Variants in HUWE1 observed in about 807,000 individuals in gnomAD.
HUWE1 encodes the protein HECT, UBA and WWE domain containing E3 ubiquitin protein ligase 1.
Under a neutral mutation model 299.4 loss-of-function variants are expected in HUWE1, and 18 were observed. The ratio of observed to expected loss-of-function variants is 0.06; its 90% CI spans 0.04 to 0.09. The LOEUF (loss-of-function observed/expected upper bound fraction) is 0.09. Ranked by LOEUF, HUWE1 falls within the 10% of genes least tolerant of loss-of-function variation. The probability of loss-of-function intolerance (pLI) is 1.00; values close to 1 mark genes in which losing one functional copy is unlikely to be tolerated. For synonymous variants in HUWE1, 1,317 were observed against 1,286.1 expected, an observed-to-expected ratio of 1.02 and a Z score of -0.51; for missense variants, 1,832 against 3,462.3, an observed-to-expected ratio of 0.53 and a Z score of 11.82.
intron 7 of HUWE1, 135 bp from the exon 8 acceptor site, chrX:53,634,433 G>C: frequency 2.0e-6 from 1 of 509,749 alleles, no homozygotes; most frequent in Non-Finnish European, 3.6e-6. Flanking sequence ...ATATATTTAA[G>C]AGTGTGTGGC....
rs782359588 is a variant in HUWE1, at chrX:53,632,543, T to C, written c.589A>G (p.Thr197Ala). ...TCTGCATAGAATTCAAAGTGTAGTG[T>C]AGTTGCACTGGGTGGATATTTCTGT... ...HMMKYPPSAT[T>A]LHFEFYADPG... The change falls in exon 9 of 84, where the codon ACA (threonine) becomes GCA (alanine). Residue 197 changes from threonine to alanine, a missense_variant. Coordinates refer to ENST00000262854, the MANE Select transcript of HUWE1 (RefSeq NM_031407.7). 1 of 1,199,803 alleles carries C rather than the reference T, an allele frequency of 8.3e-7. No homozygotes were observed. Among genetic ancestry groups the C allele is most frequent in the South Asian group, 1.8e-5 (1 of 56,726 alleles).
At chrX:53,639,889 G>C (rs2067464902) in intron 7 of HUWE1, among the ~76,000 whole-genome samples, 1 of 112,149 alleles carries the variant, frequency 8.9e-6, no homozygotes, top group Non-Finnish European at 1.9e-5. Flanking sequence ...AAACTATGAG[G>C]TAGATATTGT....
At chrX:53,648,765 A>G (rs1486234442) in intron 4 of HUWE1, among the ~76,000 whole-genome samples, 1 of 111,731 alleles carries the variant, frequency 9.0e-6, no homozygotes, top group Admixed American at 9.5e-5. Context: ...ATTCACAATT[A>G]AAGGTGAAGA....
Position 53,583,906 on chromosome X carries a change from C to A in HUWE1, c.5172G>T (p.Leu1724Phe). ...RKENKGNDTP[L>F]ALESTNTEKE... ...TTTCAGTGTTTGTACTCTCTAGGGC[C>A]AAAGGGGTATCTATAAAATGGGAAA... is the stretch of plus-strand genomic sequence containing the variant. The change falls in exon 42 of 84, where the codon TTG becomes TTT. Residue 1724 changes from leucine to phenylalanine, a missense_variant. Coordinates refer to ENST00000262854, the MANE Select transcript of HUWE1 (RefSeq NM_031407.7). 1.2e-5 allele frequency: 14 copies of A among 1,187,297 alleles called. No individual in the cohort carries two copies. The highest frequency in any genetic ancestry group is 1.6e-5 in the Non-Finnish European group (14 of 873,828).
chrX:53,578,328 G>C (rs2063305035), intron 43 of HUWE1, among the ~76,000 whole-genome samples: 1 of 106,928 alleles, frequency 9.4e-6, no homozygotes, highest in African/African-American at 3.5e-5. Context: ...TCTCCGCCCG[G>C]CAGCCACCCC....
intron 80 of HUWE1, 51 bp from the exon 81 acceptor site, chrX:53,535,552 G>C (rs1000796020): frequency 1.1e-5 from 9 of 823,691 alleles, no homozygotes; most frequent in Non-Finnish European, 1.6e-5. Context: ...TCTAGGATGG[G>C]ATTAGATACC....
At chrX:53,632,690 C>T in intron 8 of HUWE1, 126 bp from the exon 9 acceptor site, 8 of 526,430 alleles carry the variant, frequency 1.5e-5, no homozygotes, top group Non-Finnish European at 3.4e-6. Context: ...ATAAGCAGTA[C>T]ATTCAGTACC....
At chrX:53,553,323 T>C in intron 61 of HUWE1, among the ~76,000 whole-genome samples, 1 of 108,663 alleles carries the variant, frequency 9.2e-6, no homozygotes, top group Middle Eastern at 4.7e-3. Flanking sequence ...TTTGTATTTT[T>C]AGTAGAGATG....
At chrX:53,589,370 T>G (rs1305909550) in intron 36 of HUWE1, among the ~76,000 whole-genome samples, 177 bp downstream of exon 36, 1 of 112,212 alleles carries the variant, frequency 8.9e-6, no homozygotes, top group Non-Finnish European at 1.9e-5. Flanking sequence ...AAGACATTTT[T>G]GTGTGTGCGA....
chrX:53,585,188 A>C lies in HUWE1; in HGVS notation c.4825T>G (p.Tyr1609Asp). 8.3e-7 allele frequency: 1 copy of C among 1,210,910 alleles called. No homozygotes were observed. The highest frequency in any genetic ancestry group is 1.1e-6 in the Non-Finnish European group (1 of 894,411). Reference protein sequence around the residue: ...SSKRRAQMTKYLQSNSNNWRW... With the variant: ...SSKRRAQMTKDLQSNSNNWRW... ...CAGTTGTTGCTGTTGGATTGCAGGT[A>C]CTAAACATAAAAGTACAAAGTTTCT... is the stretch of plus-strand genomic sequence containing the variant. Residue 1609 changes from tyrosine to aspartate, a missense_variant and splice_region_variant, in exon 40 of 84, where the codon TAC becomes GAC. Physicochemically the swap from Tyr to Asp is radical, Grantham distance 160. Coordinates refer to ENST00000262854, the MANE Select transcript of HUWE1 (RefSeq NM_031407.7).
rs879987418 is a variant in HUWE1, at chrX:53,538,722, A to ACT, written c.11878+112_11878+113insAG. On this transcript the variant is annotated intron_variant, in intron 76 of 83. Transcript: ENST00000262854. ...TACACACACACACACACACACACAC[A>ACT]CACTCTCTCTCTCTCTCTCTCTCTC... The ACT allele has an allele frequency of 0.012, 5,076 of 428,664 alleles. 45 individuals carry two copies. The highest frequency in any genetic ancestry group is 0.052 in the African/African-American group (1,778 of 34,033). The allele number at this position is 428,664 out of a possible 1,213,427, so 35.3% of individuals were successfully genotyped here. A position where few individuals can be genotyped will look rare whatever the true frequency, so the allele number is the denominator to read the frequency against.
At chrX:53,611,233 A>G (rs1443309386) in intron 23 of HUWE1, among the ~76,000 whole-genome samples, 2 of 109,528 alleles carry the variant, frequency 1.8e-5, no homozygotes, top group Admixed American at 9.7e-5. Context: ...CTAAGCCTGG[A>G]AAAAACTCAG....
rs1557034658 is a variant in HUWE1, at chrX:53,645,297, C to CA, written c.504+13dup. Reference sequence around the variant, plus strand: ...CAATTTTTGCACCCCTCCAACTCTTCACCCAAGACTCACCTCTGCCAAATG... The same window carrying CA: ...CAATTTTTGCACCCCTCCAACTCTTCAACCCAAGACTCACCTCTGCCAAATG... On this transcript the variant is annotated intron_variant, in intron 7 of 83. Coordinates refer to ENST00000262854, the MANE Select transcript of HUWE1 (RefSeq NM_031407.7). 1.7e-6 allele frequency: 2 copies of CA among 1,210,669 alleles called. No individual in the cohort carries two copies. Among genetic ancestry groups the CA allele is most frequent in the Admixed American group, 4.4e-5 (2 of 45,962 alleles).
chrX:53,584,207 G>C lies in HUWE1; in HGVS notation c.5140C>G (p.Arg1714Gly), dbSNP rs369627689. The part of the protein sequence containing the change: ...LEESKEMDIK[R>G]KENKGNDTPL... ...ATACCATTGCCTTTATTTTCTTTAC[G>C]TTTGATATCCATTTCTTTGCTTTCT... The change falls in exon 41 of 84, where the codon CGT (arginine) becomes GGT (glycine). Residue 1714 changes from arginine to glycine, a missense_variant. By Grantham distance (125) the Arg-to-Gly change is moderately radical. This residue lies in a region of HUWE1 where 46 missense variants were observed against 42.6 expected (regional missense o/e 1.08). Coordinates refer to ENST00000262854, the MANE Select transcript of HUWE1 (RefSeq NM_031407.7). 2.5e-6 allele frequency: 3 copies of C among 1,207,478 alleles called. No homozygotes were observed. The East Asian group carries it at 8.9e-5, about 36-fold the overall frequency.
intron 4 of HUWE1, among the ~76,000 whole-genome samples, chrX:53,650,977 C>T (rs1284697233): frequency 9.0e-6 from 1 of 111,456 alleles, no homozygotes; most frequent in Non-Finnish European, 1.9e-5. Flanking sequence ...TCCAATTACC[C>T]GCTAAGTTGA....
At chrX:53,624,522 TAAGTA>T (rs1328984545) in intron 19 of HUWE1, 68 bp downstream of exon 19, 4 of 678,453 alleles carry the variant, frequency 5.9e-6, no homozygotes, top group Non-Finnish European at 7.2e-6. Flanking sequence ...AATAAGTAAG[TAAGTA>T]AATACAGAGA....
chrX:53,565,576 C>T (rs183148911), intron 49 of HUWE1, among the ~76,000 whole-genome samples: 66 of 109,963 alleles, frequency 6.0e-4, no homozygotes, highest in African/African-American at 2.0e-3. Context: ...TTTTTTAAAC[C>T]ACCAGCATTT....
intron 13 of HUWE1, 91 bp downstream of exon 13, chrX:53,629,425 A>T: frequency 1.8e-6 from 1 of 551,741 alleles, no homozygotes; most frequent in Non-Finnish European, 3.2e-6. Flanking sequence ...ATATGCAAAT[A>T]TCCCCTCCCC....
In HUWE1 at chrX:53,569,702, T is replaced by C; in HGVS notation, c.6438A>G (p.Thr2146=). Residue 2146 remains threonine (T), a synonymous_variant, in exon 48 of 84, where the codon ACA becomes ACG. Transcript: ENST00000262854. ...LASLAAAGSG[T]DAQVALVNEV... ...CATTCACTAGGGCCACCTGGGCATC[T>C]GTGCCACTCCCTGCAGCAGCCAGGC... 1 of 1,212,271 alleles carries C rather than the reference T, an allele frequency of 8.2e-7. No individual in the cohort carries two copies. Among genetic ancestry groups the C allele is most frequent in the Non-Finnish European group, 1.1e-6 (1 of 895,539 alleles).
Sources: allele counts gnomAD v4.1 joint callset (sites outside exome capture counted in the v4.1 genomes callset), GRCh38; gene constraint gnomAD v4.1.1; regional missense constraint gnomAD v4.1.1; transcripts MANE v1.5; gene names NCBI Gene and HGNC (gene_info 2026-07-23, HGNC 2026-07-21).